Variants in NBEA observed in about 807,000 individuals in gnomAD.
NBEA encodes the protein lysosomal-trafficking regulator 2.
Under a neutral mutation model 343.4 loss-of-function variants are expected in NBEA, and 44 were observed. That is an observed-to-expected ratio of 0.13 (90% CI 0.10 to 0.16). NBEA has a LOEUF of 0.16. Ranked by LOEUF, NBEA falls within the 10% of genes least tolerant of loss-of-function variation. The probability of loss-of-function intolerance (pLI) is 1.00; values close to 1 mark genes in which losing one functional copy is unlikely to be tolerated. For synonymous variants in NBEA, 1,175 were observed against 1,238.7 expected (o/e 0.95, Z 1.08); for missense variants, 2,555 against 3,631.3 (o/e 0.70, Z 7.62).
At chr13:35,329,413 G>T (rs118083781) in intron 36 of NBEA, among the ~76,000 whole-genome samples, 1 of 151,848 alleles carries the variant, frequency 6.6e-6, no homozygotes, top group Non-Finnish European at 1.5e-5. Context: ...AGTTTTATTC[G>T]TAATAGCCAA....
intron 45 of NBEA, among the ~76,000 whole-genome samples, chr13:35,583,301 C>T (rs962344802): frequency 6.6e-5 from 10 of 152,168 alleles, no homozygotes; most frequent in Non-Finnish European, 1.5e-4. Context: ...TTAGTGGCCT[C>T]AGCAAAATGC....
Position 35,214,219 on chromosome 13 carries a change from C to T in NBEA, c.5648+3040C>T, listed in dbSNP as rs377088721. On this transcript the variant is annotated intron_variant, in intron 33 of 58. Coordinates refer to ENST00000379939, the MANE Select transcript of NBEA (RefSeq NM_001385012.1). ...ATGATTCTATAGATATTTGAAAACA[C>T]GTCTTGGTGTGGACATAAATTTTCA... 4.6e-5 allele frequency among the ~76,000 whole-genome samples: 7 copies of T among 151,980 alleles called. No homozygotes were observed. In the South Asian group the frequency reaches 8.3e-4, roughly 18 times the overall value.
rs566231640 is a variant in NBEA at position 35,014,587 on chromosome 13, T to G, written c.295-26346T>G. On this transcript the variant is annotated intron_variant, in intron 1 of 58. Coordinates refer to ENST00000379939, the MANE Select transcript of NBEA (RefSeq NM_001385012.1). ...AACTAATGTACTTCTGCTAAAAGGT[T>G]TTAGCAGAATCTCTACTTAAAAGCA... Among the ~76,000 whole-genome samples, 3 of 152,278 alleles carry G rather than the reference T, an allele frequency of 2.0e-5. No individual in the cohort carries two copies. In the East Asian group the frequency reaches 5.8e-4, roughly 29 times the overall value.
intron 4 of NBEA, among the ~76,000 whole-genome samples, chr13:35,046,749 T>C (rs2062871660): frequency 6.6e-6 from 1 of 152,146 alleles, no homozygotes. Context: ...TCTCAAAATA[T>C]CTTAATGTAC....
rs999092153 is a variant in NBEA, at chr13:35,168,871, A to G, written c.4234-116A>G. 7.4e-6 allele frequency: 5 copies of G among 674,434 alleles called. No homozygotes were observed. The Admixed American group carries it at 1.2e-4, about 16-fold the overall frequency. The allele number at this position is 674,434 out of a possible 1,614,324, so 41.8% of individuals were successfully genotyped here. A position where few individuals can be genotyped will look rare whatever the true frequency, so the allele number is the denominator to read the frequency against. On this transcript the variant is annotated intron_variant, in intron 24 of 58. Coordinates refer to ENST00000379939, the MANE Select transcript of NBEA (RefSeq NM_001385012.1). ...TGCTTTTAATAAAATAATCAAATAT[A>G]ATTTTTAAATATATTATTTTGTGTT...
At chr13:35,099,717 A>C (rs2065540120) in intron 11 of NBEA, among the ~76,000 whole-genome samples, 1 of 152,136 alleles carries the variant, frequency 6.6e-6, no homozygotes, top group Non-Finnish European at 1.5e-5. Flanking sequence ...ATAAACAATA[A>C]AAATTAGATG....
At chr13:35,433,872 A>G (rs2045268473) in intron 39 of NBEA, among the ~76,000 whole-genome samples, 1 of 152,004 alleles carries the variant, frequency 6.6e-6, no homozygotes, top group South Asian at 2.1e-4. Context: ...TGATCTTAAA[A>G]TTATTAAACC....
chr13:35,297,475 A>G (rs1053702533), intron 35 of NBEA, among the ~76,000 whole-genome samples: 4 of 152,020 alleles, frequency 2.6e-5, no homozygotes, highest in African/African-American at 9.7e-5. Context: ...TATTCTGCCA[A>G]TGGAGAAAAT....
intron 1 of NBEA, among the ~76,000 whole-genome samples, chr13:35,025,468 G>T (rs1302171162): frequency 6.6e-6 from 1 of 152,160 alleles, no homozygotes; most frequent in Non-Finnish European, 1.5e-5. Flanking sequence ...TTGAAGATCA[G>T]ATGGTTGTAG....
At position 35,282,920 on chromosome 13, in the gene NBEA, A is replaced by G. The variant is rs557362279; in HGVS notation, c.5777-7469A>G. On this transcript the variant is annotated intron_variant, in intron 34 of 58. Transcript: ENST00000379939. ...GATCCTTATAGATAGTGCAAGGCCT[A>G]TAGCAGTGATGTAATTATTGTTCCT... Among the ~76,000 whole-genome samples the G allele has an allele frequency of 9.2e-5, 14 of 152,268 alleles. 1 individual carries two copies. In the South Asian group the frequency reaches 2.9e-3, roughly 31 times the overall value.
At chr13:35,373,447 T>C (rs903292497) in intron 38 of NBEA, among the ~76,000 whole-genome samples, 3 of 152,168 alleles carry the variant, frequency 2.0e-5, no homozygotes, top group African/African-American at 4.8e-5. Flanking sequence ...GGCTTACACC[T>C]GTAATCCCAG....
chr13:35,302,995 G>C (rs986188687), intron 35 of NBEA, among the ~76,000 whole-genome samples: 1 of 152,068 alleles, frequency 6.6e-6, no homozygotes, highest in Non-Finnish European at 1.5e-5. Context: ...TCAATTTAAA[G>C]TTGCTTTAAA....
intron 51 of NBEA, among the ~76,000 whole-genome samples, chr13:35,646,757 G>C (rs1052190459): frequency 4.6e-5 from 7 of 152,152 alleles, no homozygotes; most frequent in African/African-American, 1.7e-4. Context: ...TTGAATAAAA[G>C]GAAAGAAATA....
chr13:35,178,228 G>A (rs745925715), intron 28 of NBEA, among the ~76,000 whole-genome samples: 2 of 151,656 alleles, frequency 1.3e-5, no homozygotes, highest in African/African-American at 4.8e-5. Context: ...CTTTCGAATA[G>A]CTCTTTGCCA....
chr13:35,593,528 A>C, intron 47 of NBEA, 81 bp downstream of exon 47: 1 of 1,041,544 alleles, frequency 9.6e-7, no homozygotes. Context: ...TATGTATAAG[A>C]CATTTTATAT....
chr13:35,099,462 C>T (rs144710937), intron 11 of NBEA, among the ~76,000 whole-genome samples: 134 of 152,090 alleles, frequency 8.8e-4, no homozygotes, highest in Middle Eastern at 6.8e-3. Context: ...GGACTCCCAG[C>T]GTGCTGGGAT....
chr13:35,289,524 G>T (rs1233817809), intron 34 of NBEA, among the ~76,000 whole-genome samples: 1 of 151,666 alleles, frequency 6.6e-6, no homozygotes, highest in African/African-American at 2.4e-5. Context: ...TATATACATC[G>T]TTATACAGCA....
At chr13:35,614,238 T>A (rs1057341591) in intron 48 of NBEA, among the ~76,000 whole-genome samples, 1 of 152,192 alleles carries the variant, frequency 6.6e-6, no homozygotes, top group African/African-American at 2.4e-5. Context: ...TGTATTATGG[T>A]TATCTTTCTA....
intron 48 of NBEA, among the ~76,000 whole-genome samples, chr13:35,620,668 G>C (rs1037036239): frequency 3.3e-4 from 50 of 152,134 alleles, no homozygotes; most frequent in African/African-American, 1.1e-3. Context: ...CTGCAGTGTT[G>C]GGAATGAATG....
Sources: allele counts gnomAD v4.1 joint callset (sites outside exome capture counted in the v4.1 genomes callset), GRCh38; gene constraint gnomAD v4.1.1; transcripts MANE v1.5; gene names NCBI Gene and HGNC (gene_info 2026-07-23, HGNC 2026-07-21).